Variants in PREX2 observed in about 807,000 individuals in gnomAD.
PREX2 encodes phosphatidylinositol 3,4,5-trisphosphate-dependent Rac exchanger 2 protein.
A neutral mutation model predicts 203.2 loss-of-function variants in PREX2; 107 were observed. That is an observed-to-expected ratio of 0.53 (90% CI 0.45 to 0.62). The LOEUF (loss-of-function observed/expected upper bound fraction) is 0.62. Ranked by LOEUF, PREX2 falls within the 20% of genes least tolerant of loss-of-function variation. The pLI, the probability that PREX2 is intolerant of heterozygous loss-of-function variation, is 0.00. For synonymous variants in PREX2, 672 were observed against 663.6 expected, an observed-to-expected ratio of 1.01 and a Z score of -0.19; for missense variants, 1,777 against 1,955.9, an observed-to-expected ratio of 0.91 and a Z score of 1.72.
chr8:68,099,629 T>A, intron 22 of PREX2, 53 bp from the exon 23 acceptor site: 3 of 1,506,664 alleles, frequency 2.0e-6, no homozygotes, highest in Non-Finnish European at 1.8e-6. Context: ...TCTATGTGTG[T>A]GTCTGTATGT....
chr8:68,084,359 C>T (rs1403334739), intron 18 of PREX2, among the ~76,000 whole-genome samples: 1 of 151,858 alleles, frequency 6.6e-6, no homozygotes, highest in Non-Finnish European at 1.5e-5. Context: ...ATTTTAACTA[C>T]CTATTAAAAG....
intron 37 of PREX2, among the ~76,000 whole-genome samples, chr8:68,199,443 G>C (rs10088548): frequency 6.6e-6 from 1 of 151,978 alleles, no homozygotes; most frequent in Non-Finnish European, 1.5e-5. Context: ...TGCAGACTGG[G>C]GTTGAATTAC....
chr8:68,099,555 GTTAAC>G (rs1810198371), intron 22 of PREX2, 122 bp from the exon 23 acceptor site: 5 of 882,446 alleles, frequency 5.7e-6, no homozygotes, highest in Non-Finnish European at 8.6e-6. Flanking sequence ...GCCCTGTATT[GTTAAC>G]TTAATGAAAA....
intron 6 of PREX2, among the ~76,000 whole-genome samples, chr8:68,031,835 A>G (rs4503081): frequency 0.74 from 112,263 of 152,134 alleles, 42,582 homozygotes; most frequent in African/African-American, 0.93. Flanking sequence ...TGCTTTTGGA[A>G]TTCTGTTGTC....
At chr8:68,147,009 G>T (rs1256183298) in intron 34 of PREX2, among the ~76,000 whole-genome samples, 1 of 152,064 alleles carries the variant, frequency 6.6e-6, no homozygotes, top group Non-Finnish European at 1.5e-5. Flanking sequence ...GTCATAAAAT[G>T]CTACCTAAAA....
intron 3 of PREX2, 124 bp downstream of exon 3, chr8:68,019,795 C>A (rs1160753471): frequency 3.5e-6 from 3 of 867,286 alleles, no homozygotes; most frequent in Admixed American, 2.6e-5. Flanking sequence ...AGTTTAAGGT[C>A]TTTTAAGGCC....
intron 35 of PREX2, among the ~76,000 whole-genome samples, chr8:68,165,330 T>G (rs1279090576): frequency 6.6e-6 from 1 of 152,226 alleles, no homozygotes; most frequent in Non-Finnish European, 1.5e-5. Flanking sequence ...TATATCGACC[T>G]AAGCAATTGT....
chr8:68,233,632 C>T lies in PREX2; in HGVS notation c.*2254C>T, dbSNP rs1217879350. 6.6e-6 allele frequency: 1 copy of T among 152,158 alleles called. No individual in the cohort carries two copies. The allele number at this position is 152,158 out of a possible 1,614,324, so 9.4% of individuals were successfully genotyped here. On this transcript the variant is annotated 3_prime_UTR_variant, in exon 40 of 40. Transcript: ENST00000288368. ...GATTACTACATGCCCAGTAATACCT[C>T]CAAATGCTTTGCCTGTATTCTGTTG... is the stretch of plus-strand genomic sequence containing the variant.
intron 25 of PREX2, among the ~76,000 whole-genome samples, chr8:68,112,315 A>C (rs1430888746): frequency 6.6e-6 from 1 of 152,222 alleles, no homozygotes; most frequent in African/African-American, 2.4e-5. Flanking sequence ...TAATGTCCAA[A>C]ACCTTTGACA....
chr8:68,042,334 T>C (rs572690026), intron 7 of PREX2, among the ~76,000 whole-genome samples: 69 of 152,184 alleles, frequency 4.5e-4, no homozygotes, highest in African/African-American at 1.5e-3. Flanking sequence ...TAAAAAGTTA[T>C]GATGTAGTAT....
chr8:68,125,874 G>T (rs1810875794), intron 30 of PREX2, among the ~76,000 whole-genome samples: 1 of 151,822 alleles, frequency 6.6e-6, no homozygotes, highest in Non-Finnish European at 1.5e-5. Context: ...TAATTACAAT[G>T]ATTTTTCTGG....
intron 17 of PREX2, among the ~76,000 whole-genome samples, chr8:68,081,389 C>T (rs1809518360): frequency 6.6e-6 from 1 of 152,094 alleles, no homozygotes; most frequent in Non-Finnish European, 1.5e-5. Context: ...TACTGGTCCG[C>T]AGCCTGGGAT....
chr8:68,067,035 A>G (rs942995881), intron 11 of PREX2, among the ~76,000 whole-genome samples: 1 of 152,068 alleles, frequency 6.6e-6, no homozygotes, highest in Admixed American at 6.6e-5. Context: ...AGCAATGACC[A>G]TAAATCTGTG....
chr8:68,086,397 A>G (rs1809693095), intron 18 of PREX2, among the ~76,000 whole-genome samples: 1 of 152,178 alleles, frequency 6.6e-6, no homozygotes, highest in Non-Finnish European at 1.5e-5. Flanking sequence ...CATAAACTGC[A>G]GATAAGTCCT....
chr8:68,147,206 T>C lies in PREX2; in HGVS notation c.4231+854T>C, dbSNP rs150789449. On this transcript the variant is annotated intron_variant, in intron 34 of 39. Transcript: ENST00000288368. Reference sequence around the variant, plus strand: ...TGGTTTTGCTGTGGAATTTCAATGCTCTAATAAAAAATGAGAAGAGTAGAG... The same window carrying C: ...TGGTTTTGCTGTGGAATTTCAATGCCCTAATAAAAAATGAGAAGAGTAGAG... Among the ~76,000 whole-genome samples the C allele has an allele frequency of 3.3e-5, 5 of 152,328 alleles. No individual in the cohort carries two copies. The East Asian group carries it at 9.7e-4, about 29-fold the overall frequency.
chr8:68,002,396 C>T (rs1311473487), intron 1 of PREX2, among the ~76,000 whole-genome samples: 4 of 152,146 alleles, frequency 2.6e-5, no homozygotes, highest in African/African-American at 7.2e-5. Context: ...ATACTCCTGC[C>T]TCGGTCTCCC....
chr8:68,121,400 C>T (rs1261465889), intron 30 of PREX2, among the ~76,000 whole-genome samples: 1 of 150,820 alleles, frequency 6.6e-6, no homozygotes, highest in African/African-American at 2.4e-5. Context: ...AAAGTTTATC[C>T]ACAAAAAAAA....
intron 34 of PREX2, among the ~76,000 whole-genome samples, chr8:68,152,041 G>A (rs1811444997): frequency 6.6e-6 from 1 of 151,708 alleles, no homozygotes; most frequent in Non-Finnish European, 1.5e-5. Flanking sequence ...TGTAATCCCA[G>A]CACTTTGGGA....
chr8:68,015,838 T>G (rs1440379243), intron 1 of PREX2, among the ~76,000 whole-genome samples: 1 of 152,208 alleles, frequency 6.6e-6, no homozygotes, highest in Non-Finnish European at 1.5e-5. Flanking sequence ...AAAATTCTAA[T>G]TTTTTTCACC....
Sources: gnomAD v4.1 joint callset for allele counts (sites outside exome capture counted in the v4.1 genomes callset) on GRCh38, gnomAD v4.1.1 for gene constraint, MANE v1.5 for transcripts, NCBI Gene and HGNC (gene_info 2026-07-23, HGNC 2026-07-21) for gene names.